Variants in ZNF385D observed in about 807,000 individuals in gnomAD.
The protein encoded by ZNF385D is zinc finger protein 659.
In ZNF385D, 15 loss-of-function variants were observed where a neutral mutation model predicts 35.8. The observed-to-expected ratio is 0.42, with a 90% CI of 0.28 to 0.64. The LOEUF is 0.64. ZNF385D is among the 30% of genes least tolerant of loss of function. ZNF385D has a pLI of 0.23. For synonymous variants in ZNF385D, 212 were observed against 186.8 expected, an observed-to-expected ratio of 1.13 and a Z score of -1.10; for missense variants, 474 against 494.6, an observed-to-expected ratio of 0.96 and a Z score of 0.39.
chr3:21,732,565 T>C, intron 1 of ZNF385D, among the ~76,000 whole-genome samples: 1 of 152,240 alleles, frequency 6.6e-6, no homozygotes, highest in East Asian at 1.9e-4. Flanking sequence ...GTTGTCAGTG[T>C]TCTGGATTTT....
chr3:21,797,465 A>G (rs1477301386), intron 3 of ZNF385D, among the ~76,000 whole-genome samples: 1 of 152,186 alleles, frequency 6.6e-6, no homozygotes, highest in Non-Finnish European at 1.5e-5. Flanking sequence ...TTATTTTATG[A>G]GGCAGTAATC....
intron 3 of ZNF385D, among the ~76,000 whole-genome samples, chr3:22,000,484 T>A (rs941539557): frequency 2.0e-5 from 3 of 152,108 alleles, no homozygotes; most frequent in African/African-American, 7.2e-5. Flanking sequence ...CCTTGTTTAG[T>A]GTATCATCAA....
chr3:21,982,640 G>A (rs1694540298), intron 3 of ZNF385D, among the ~76,000 whole-genome samples: 2 of 152,140 alleles, frequency 1.3e-5, no homozygotes, highest in South Asian at 4.1e-4. Flanking sequence ...AGTGGTGACA[G>A]ACAGCATACT....
chr3:22,094,129 A>G (rs1701474792), intron 3 of ZNF385D, among the ~76,000 whole-genome samples: 1 of 151,896 alleles, frequency 6.6e-6, no homozygotes, highest in South Asian at 2.1e-4. Context: ...AATACGTGTC[A>G]TTGCTTTAAT....
chr3:21,817,663 A>T (rs942087571), intron 3 of ZNF385D, among the ~76,000 whole-genome samples: 9 of 152,344 alleles, frequency 5.9e-5, no homozygotes, highest in African/African-American at 1.7e-4. Flanking sequence ...ATCATTAAAA[A>T]GTTGGGAAAC....
At chr3:21,423,829 G>A (rs1208993126) in intron 7 of ZNF385D, 134 bp downstream of exon 7, 3 of 751,058 alleles carry the variant, frequency 4.0e-6, no homozygotes, top group Non-Finnish European at 4.2e-6. Context: ...TATGATCTAT[G>A]ATAAATCTGA....
intron 2 of ZNF385D, among the ~76,000 whole-genome samples, chr3:22,332,200 T>C (rs1227228909): frequency 6.6e-6 from 1 of 152,092 alleles, no homozygotes; most frequent in East Asian, 1.9e-4. Flanking sequence ...GCCCAGCTCC[T>C]CCACACCTGC....
In ZNF385D at chr3:21,772,601, T is replaced by C. The variant is rs146261898; in HGVS notation, c.326-107573A>G. Among the ~76,000 whole-genome samples the C allele has an allele frequency of 2.7e-3, 413 of 152,006 alleles. 6 individuals carry two copies. The South Asian group carries it at 0.033, about 12-fold the overall frequency. On this transcript the variant is annotated intron_variant, in intron 3 of 5. Transcript: ENST00000494108. ...AGGAGAAATTGAAACACTTGTGCAT[T>C]GTTGGTGGGAATGTAAAACAGTATA...
intron 3 of ZNF385D, among the ~76,000 whole-genome samples, chr3:21,823,464 C>G (rs1694405316): frequency 6.6e-6 from 1 of 152,146 alleles, no homozygotes; most frequent in Non-Finnish European, 1.5e-5. Context: ...CACATACACA[C>G]ACGGACGCAG....
chr3:22,147,340 C>T (rs1704925738), intron 3 of ZNF385D, among the ~76,000 whole-genome samples: 1 of 152,086 alleles, frequency 6.6e-6, no homozygotes, highest in Admixed American at 6.6e-5. Context: ...ATGGGAACCA[C>T]ACCTGGCTTT....
chr3:22,126,567 C>A (rs1399669563), intron 3 of ZNF385D, among the ~76,000 whole-genome samples: 1 of 151,794 alleles, frequency 6.6e-6, no homozygotes, highest in Non-Finnish European at 1.5e-5. Context: ...TTCAATTTTT[C>A]TGAACGTTTT....
intron 2 of ZNF385D, among the ~76,000 whole-genome samples, chr3:22,356,799 G>C (rs1007174919): frequency 6.6e-6 from 1 of 151,858 alleles, no homozygotes; most frequent in South Asian, 2.1e-4. Context: ...TAGAAAGATA[G>C]ATAGATAGCT....
intron 3 of ZNF385D, among the ~76,000 whole-genome samples, chr3:21,944,420 C>T (rs1169196248): frequency 6.6e-6 from 1 of 152,144 alleles, no homozygotes. Flanking sequence ...TCAACTTTGT[C>T]CGAGCACCAA....
At chr3:22,159,634 T>C (rs965973923) in intron 3 of ZNF385D, among the ~76,000 whole-genome samples, 1 of 152,144 alleles carries the variant, frequency 6.6e-6, no homozygotes, top group African/African-American at 2.4e-5. Context: ...CATGTTTTCT[T>C]TTTAGGGTGA....
chr3:22,222,963 A>G (rs960646383), intron 2 of ZNF385D, among the ~76,000 whole-genome samples: 2 of 152,116 alleles, frequency 1.3e-5, no homozygotes, highest in African/African-American at 4.8e-5. Context: ...TTAGTCATTG[A>G]TAAGTATCCC....
At chr3:21,632,907 C>T (rs966613178) in intron 2 of ZNF385D, among the ~76,000 whole-genome samples, 1 of 152,058 alleles carries the variant, frequency 6.6e-6, no homozygotes, top group South Asian at 2.1e-4. Context: ...GGGACATTTG[C>T]ATTCTATCTA....
At chr3:21,859,748 C>A (rs563591395) in intron 3 of ZNF385D, among the ~76,000 whole-genome samples, 1 of 151,150 alleles carries the variant, frequency 6.6e-6, no homozygotes, top group South Asian at 2.1e-4. Flanking sequence ...ATGTTTTAAT[C>A]CTTATGTTAA....
intron 2 of ZNF385D, among the ~76,000 whole-genome samples, chr3:21,641,016 C>T (rs71310267): frequency 0.15 from 23,490 of 152,070 alleles, 2,472 homozygotes; most frequent in Non-Finnish European, 0.22. Flanking sequence ...CCCTAAGTCA[C>T]CAAATCAGAA....
intron 2 of ZNF385D, among the ~76,000 whole-genome samples, chr3:22,289,830 G>GA (rs201857028): frequency 1.9e-3 from 283 of 152,176 alleles, no homozygotes; most frequent in African/African-American, 6.5e-3. Context: ...ATAAGCTAGG[G>GA]GAAAGGTTTA....
Sources: allele counts gnomAD v4.1 joint callset (sites outside exome capture counted in the v4.1 genomes callset), GRCh38; gene constraint gnomAD v4.1.1; transcripts MANE v1.5; gene names NCBI Gene and HGNC (gene_info 2026-07-23, HGNC 2026-07-21).